SLC39A10: variants seen among roughly 807,000 people sequenced by gnomAD.
SLC39A10 encodes solute carrier family 39 member 10.
In SLC39A10, 13 loss-of-function variants were observed where a neutral mutation model predicts 65.1. The observed-to-expected ratio is 0.20, with a 90% CI of 0.13 to 0.32. SLC39A10 has a LOEUF of 0.32. SLC39A10 is among the 10% of genes least tolerant of loss of function. The probability of loss-of-function intolerance (pLI) is 1.00; values close to 1 mark genes in which losing one functional copy is unlikely to be tolerated. For missense variants in SLC39A10, 831 were observed against 1,018.4 expected (o/e 0.82, Z 2.50); for synonymous variants, 321 against 342.2 (o/e 0.94, Z 0.68).
At chr2:195,639,301 C>T (rs1394905529) in intron 2 of SLC39A10, among the ~76,000 whole-genome samples, 1 of 152,156 alleles carries the variant, frequency 6.6e-6, no homozygotes, top group African/African-American at 2.4e-5. Flanking sequence ...CAGAATGTCC[C>T]TGATGTTTTT....
At chr2:195,717,031 A>T (rs368536227) in intron 7 of SLC39A10, 26 bp downstream of exon 7, 13 of 1,601,244 alleles carry the variant, frequency 8.1e-6, no homozygotes, top group Admixed American at 6.8e-5. Context: ...ACCACTGTCT[A>T]TGCTAATCTT....
chr2:195,683,042 AG>A (rs1690390120), intron 2 of SLC39A10, among the ~76,000 whole-genome samples: 1 of 152,062 alleles, frequency 6.6e-6, no homozygotes, highest in South Asian at 2.1e-4. Context: ...CCGTAATATT[AG>A]ATACTTGTTT....
intron 1 of SLC39A10, among the ~76,000 whole-genome samples, chr2:195,672,129 AT>A (rs575328187): frequency 1.5e-4 from 22 of 149,636 alleles, no homozygotes; most frequent in Non-Finnish European, 1.0e-4. Flanking sequence ...CATCTAAATG[AT>A]TTTTTTTTTC....
upstream of SLC39A10, among the ~76,000 whole-genome samples, chr2:195,652,506 G>A (rs565954704): frequency 4.8e-5 from 7 of 146,246 alleles, no homozygotes; most frequent in South Asian, 2.2e-4. Flanking sequence ...CCGAGATCTC[G>A]CCACTGCACT....
chr2:195,708,805 A>C lies in SLC39A10; in HGVS notation c.1536A>C (p.Glu512Asp). The change falls in exon 5 of 10, where the codon GAA becomes GAC. Residue 512 changes from glutamate to aspartate, a missense_variant. Transcript: ENST00000359634. Reference protein sequence around the residue: ...LGGIYLLFIIEHCIRMFKHYK... With the variant: ...LGGIYLLFIIDHCIRMFKHYK... The stretch of plus-strand genomic sequence containing the variant: ...GCATTTACTTGCTATTTATCATTGA[A>C]CACTGCATTAGAATGTTTAAGCACT... The C allele has an allele frequency of 6.2e-7, 1 of 1,612,720 alleles. No individual in the cohort carries two copies. Among genetic ancestry groups the C allele is most frequent in the South Asian group, 1.1e-5 (1 of 90,614 alleles).
At chr2:195,722,359 G>C (rs996662367) in intron 8 of SLC39A10, among the ~76,000 whole-genome samples, 1 of 152,186 alleles carries the variant, frequency 6.6e-6, no homozygotes, top group Admixed American at 6.5e-5. Context: ...AAATGACCCA[G>C]CTTCCTCTTC....
chr2:195,706,267 A>T (rs1030749219), intron 3 of SLC39A10, among the ~76,000 whole-genome samples: 28 of 151,694 alleles, frequency 1.8e-4, no homozygotes, highest in African/African-American at 6.8e-4. Flanking sequence ...CTTTAAATAA[A>T]CAGCTTTATT....
chr2:195,662,850 T>G (rs1689460563), intron 1 of SLC39A10, among the ~76,000 whole-genome samples: 2 of 152,228 alleles, frequency 1.3e-5, no homozygotes, highest in South Asian at 4.1e-4. Flanking sequence ...TAGCTGCTCT[T>G]GCGGTAAAAT....
intron 1 of SLC39A10, among the ~76,000 whole-genome samples, chr2:195,657,892 A>G (rs551808663): frequency 1.4e-3 from 220 of 152,212 alleles, no homozygotes; most frequent in African/African-American, 5.0e-3. Context: ...CTCTGCTCCT[A>G]CTAGTTTTCT....
intron 1 of SLC39A10, among the ~76,000 whole-genome samples, chr2:195,673,349 A>T (rs977160618): frequency 4.6e-5 from 7 of 151,838 alleles, no homozygotes; most frequent in African/African-American, 1.2e-4. Context: ...TTTTGTAGAG[A>T]TGGGGTTCTG....
chr2:195,671,123 T>A (rs1327573353), intron 1 of SLC39A10, among the ~76,000 whole-genome samples: 2 of 152,200 alleles, frequency 1.3e-5, no homozygotes, highest in African/African-American at 4.8e-5. Context: ...CACTACATAT[T>A]TAGTTCTGGT....
intron 1 of SLC39A10, among the ~76,000 whole-genome samples, chr2:195,664,330 G>GT (rs1021497616): frequency 7.9e-5 from 12 of 151,698 alleles, no homozygotes; most frequent in Non-Finnish European, 4.4e-5. Flanking sequence ...AGGGGTTTTA[G>GT]TTTTTTAGGA....
chr2:195,624,533 GT>G (rs770472635), intron 2 of SLC39A10, among the ~76,000 whole-genome samples: 26 of 152,030 alleles, frequency 1.7e-4, no homozygotes, highest in Admixed American at 1.6e-3. Flanking sequence ...ACAAGATACG[GT>G]GATTGTCCAC....
chr2:195,615,910 T>C (rs1220023279), intron 2 of SLC39A10, among the ~76,000 whole-genome samples: 1 of 152,234 alleles, frequency 6.6e-6, no homozygotes, highest in Non-Finnish European at 1.5e-5. Flanking sequence ...TTATGTGTAT[T>C]TATCTTAACC....
intron 2 of SLC39A10, among the ~76,000 whole-genome samples, chr2:195,613,222 T>G (rs1543129): frequency 0.23 from 35,703 of 152,022 alleles, 4,647 homozygotes; most frequent in East Asian, 0.4. Context: ...GGGAAAATAT[T>G]TCTTTCTCGG....
intron 9 of SLC39A10, among the ~76,000 whole-genome samples, chr2:195,734,442 G>A (rs1391163534): frequency 6.6e-6 from 1 of 152,154 alleles, no homozygotes. Flanking sequence ...ATTTATGGGC[G>A]TGAGCCACCG....
At chr2:195,620,005 C>T (rs1443299266) in intron 2 of SLC39A10, among the ~76,000 whole-genome samples, 1 of 152,182 alleles carries the variant, frequency 6.6e-6, no homozygotes, top group Non-Finnish European at 1.5e-5. Flanking sequence ...TCACTGAAAC[C>T]TCTGCCTCCC....
At chr2:195,726,812 C>A (rs766037103) in intron 8 of SLC39A10, among the ~76,000 whole-genome samples, 1 of 152,106 alleles carries the variant, frequency 6.6e-6, no homozygotes, top group African/African-American at 2.4e-5. Flanking sequence ...TTTTTAGATA[C>A]GTAGCTGTTA....
chr2:195,674,692 G>A (rs934517636), intron 1 of SLC39A10: 49 of 965,820 alleles, frequency 5.1e-5, no homozygotes, highest in Non-Finnish European at 5.8e-5. Flanking sequence ...TATGTTCTGA[G>A]GTGCAGGCTT....
Sources: gnomAD v4.1 joint callset for allele counts (sites outside exome capture counted in the v4.1 genomes callset) on GRCh38, gnomAD v4.1.1 for gene constraint, MANE v1.5 for transcripts, NCBI Gene and HGNC (gene_info 2026-07-23, HGNC 2026-07-21) for gene names.